Variants in PCDHGA9 observed in about 807,000 individuals in gnomAD.
PCDHGA9 encodes protocadherin gamma subfamily A, 9.
PCDHGA9 carries 37 observed loss-of-function variants against 62.5 expected under a neutral mutation model. That is an observed-to-expected ratio of 0.59 (90% CI 0.46 to 0.78). The LOEUF (loss-of-function observed/expected upper bound fraction) is 0.78. Among genes scored for constraint, PCDHGA9 ranks in the 30% least tolerant of loss-of-function variants. The pLI, the probability that PCDHGA9 is intolerant of heterozygous loss-of-function variation, is 0.00. For synonymous variants in PCDHGA9, 459 were observed against 484.6 expected, an observed-to-expected ratio of 0.95 and a Z score of 0.69; for missense variants, 1,138 against 1,166.2, an observed-to-expected ratio of 0.98 and a Z score of 0.35.
At chr5:141,495,065 T>C (rs1413025171) in intron 2 of PCDHGA9, among the ~76,000 whole-genome samples, 200 bp downstream of exon 2, 1 of 152,148 alleles carries the variant, frequency 6.6e-6, no homozygotes, top group Admixed American at 6.5e-5. Flanking sequence ...TTCAGGAAGC[T>C]CAATTCACAT....
At chr5:141,405,567 G>A in intron 1 of PCDHGA9, 191 bp downstream of exon 1, 2 of 608,222 alleles carry the variant, frequency 3.3e-6, no homozygotes, top group Non-Finnish European at 5.8e-6. Context: ...TGGGACTAGA[G>A]TAGAGTAGCT....
At chr5:141,407,316 G>A (rs2094914682) in intron 1 of PCDHGA9, among the ~76,000 whole-genome samples, 1 of 152,094 alleles carries the variant, frequency 6.6e-6, no homozygotes, top group Non-Finnish European at 1.5e-5. Flanking sequence ...TTCATACTTA[G>A]TATTTATAAA....
chr5:141,405,568 T>C, intron 1 of PCDHGA9, 192 bp downstream of exon 1: 1 of 606,666 alleles, frequency 1.6e-6, no homozygotes, highest in South Asian at 2.1e-5. Context: ...GGGACTAGAG[T>C]AGAGTAGCTG....
chr5:141,413,984 C>T (rs898207454), intron 1 of PCDHGA9: 2 of 1,613,300 alleles, frequency 1.2e-6, no homozygotes, highest in African/African-American at 2.7e-5. Flanking sequence ...ACAGTCACAG[C>T]CACCGACAGG....
Position 141,489,714 on chromosome 5 carries a change from G to C in PCDHGA9, c.2425-5093G>C, listed in dbSNP as rs770143357. On this transcript the variant is annotated intron_variant, in intron 1 of 3. Coordinates refer to ENST00000573521, the MANE Select transcript of PCDHGA9 (RefSeq NM_018921.3). The surrounding 1 kb of genome is among the most constrained non-coding windows in gnomAD (Gnocchi z 4.5). Reference sequence around the variant, plus strand: ...CACGATTCCCACTGGACAGTGCCCAGGATCCGGATGTGGGCACCAATACTG... The same window carrying C: ...CACGATTCCCACTGGACAGTGCCCACGATCCGGATGTGGGCACCAATACTG... 7.4e-6 allele frequency: 12 copies of C among 1,613,958 alleles called. No individual in the cohort carries two copies. The highest frequency in any genetic ancestry group is 1.0e-5 in the Non-Finnish European group (12 of 1,179,930).
At chr5:141,475,980 C>T (rs758066578) in intron 1 of PCDHGA9, 45 of 1,028,498 alleles carry the variant, frequency 4.4e-5, no homozygotes, top group Non-Finnish European at 6.2e-5. Flanking sequence ...ACTGAACAGC[C>T]GGCGAGCAAA....
At chr5:141,410,683 A>G (rs775289402) in intron 1 of PCDHGA9, 2 of 1,528,162 alleles carry the variant, frequency 1.3e-6, no homozygotes. Flanking sequence ...TATTTTAGGC[A>G]TACTACTTTA....
chr5:141,455,533 T>C (rs1232689740), intron 1 of PCDHGA9, among the ~76,000 whole-genome samples: 1 of 152,134 alleles, frequency 6.6e-6, no homozygotes, highest in African/African-American at 2.4e-5. Flanking sequence ...TGACCAGGCA[T>C]ATCATTCACG....
intron 1 of PCDHGA9, chr5:141,409,447 AC>A (rs779658060): frequency 1.4e-4 from 222 of 1,613,890 alleles, no homozygotes; most frequent in Non-Finnish European, 1.8e-4. Context: ...GAGAGCAGAC[AC>A]CAGAATACAA....
intron 2 of PCDHGA9, among the ~76,000 whole-genome samples, chr5:141,497,735 C>T (rs1299892535): frequency 2.6e-5 from 4 of 152,144 alleles, no homozygotes; most frequent in Non-Finnish European, 4.4e-5. Flanking sequence ...AGATGGGTTT[C>T]GCCACGTTGG....
At position 141,430,761 on chromosome 5, in the gene PCDHGA9, T is replaced by C. The variant is rs769012885; in HGVS notation, c.2424+25385T>C. The C allele has an allele frequency of 2.0e-6, 3 of 1,506,132 alleles. No individual in the cohort carries two copies. The African/African-American group carries it at 4.2e-5, about 21-fold the overall frequency. The allele number at this position is 1,506,132 out of a possible 1,614,324, so 93.3% of individuals were successfully genotyped here. ...AAATAATTCTGGAGGAAGATAAGAATGATTCCTGCGCGACTGCACCGGGAC... is the reference window on the plus strand; with the variant it reads ...AAATAATTCTGGAGGAAGATAAGAACGATTCCTGCGCGACTGCACCGGGAC... On this transcript the variant is annotated intron_variant, in intron 1 of 3. Coordinates refer to ENST00000573521, the MANE Select transcript of PCDHGA9 (RefSeq NM_018921.3).
At chr5:141,430,404 A>T (rs1054341813) in intron 1 of PCDHGA9, among the ~76,000 whole-genome samples, 2 of 152,000 alleles carry the variant, frequency 1.3e-5, no homozygotes, top group African/African-American at 4.8e-5. Flanking sequence ...AAAGCTCACT[A>T]AAGTTTCTAT....
rs376452870 is a variant in PCDHGA9 at position 141,423,273 on chromosome 5, G to A, written c.2424+17897G>A. 34 of 1,613,778 alleles carry A rather than the reference G, an allele frequency of 2.1e-5. No homozygotes were observed. In the African/African-American group the frequency reaches 4.4e-4, roughly 21 times the overall value. Reference sequence around the variant, plus strand: ...CGGACCTCGGCAGCCTCGAGTCTCTGGCTAACTCTGAAACCTCAGACCTCT... The same window carrying A: ...CGGACCTCGGCAGCCTCGAGTCTCTAGCTAACTCTGAAACCTCAGACCTCT... On this transcript the variant is annotated intron_variant, in intron 1 of 3. Coordinates refer to ENST00000573521, the MANE Select transcript of PCDHGA9 (RefSeq NM_018921.3).
chr5:141,414,159 A>G (rs2095715416), intron 1 of PCDHGA9: 1 of 1,602,874 alleles, frequency 6.2e-7, no homozygotes. Context: ...CAGAAGATGG[A>G]GGAGCATATC....
At chr5:141,478,639 A>G (rs377308663) in intron 1 of PCDHGA9, 168 of 1,552,322 alleles carry the variant, frequency 1.1e-4, no homozygotes, top group Non-Finnish European at 1.0e-4. Context: ...TTAGTGATGA[A>G]GATGTTTTCC....
rs1256615029 is a variant in PCDHGA9 at position 141,512,740 on chromosome 5, C to T, written c.*1567C>T. ...GCGGGTGGGCAGCGGGCGGCGGGCT[C>T]CGCGCAGCCGTCTGTCCTTGATCTG... On this transcript the variant is annotated 3_prime_UTR_variant, in exon 4 of 4. Transcript: ENST00000573521. 1 of 152,788 alleles carries T rather than the reference C, an allele frequency of 6.5e-6. No individual in the cohort carries two copies. The highest frequency in any genetic ancestry group is 1.5e-5 in the Non-Finnish European group (1 of 68,570). The allele number at this position is 152,788 out of a possible 1,614,324, so 9.5% of individuals were successfully genotyped here.
intron 1 of PCDHGA9, among the ~76,000 whole-genome samples, chr5:141,456,862 C>T (rs1385304686): frequency 6.6e-6 from 1 of 152,086 alleles, no homozygotes; most frequent in Non-Finnish European, 1.5e-5. Context: ...AATTGGGAGG[C>T]TGAGGCAGGA....
Position 141,501,330 on chromosome 5 carries a change from CA to C in PCDHGA9, c.2484-4062del, listed in dbSNP as rs1562200936. 1.8e-3 allele frequency among the ~76,000 whole-genome samples: 266 copies of C among 151,500 alleles called. 1 individual carries two copies. Among genetic ancestry groups the C allele is most frequent in the African/African-American group, 5.1e-3 (210 of 41,250 alleles). On this transcript the variant is annotated intron_variant, in intron 2 of 3. Transcript: ENST00000573521. ...ACACACACACACACACACACACACACACACCCCAAACTCAATAGGGCAAGAA... is the reference window on the plus strand; with the variant it reads ...ACACACACACACACACACACACACACCACCCCAAACTCAATAGGGCAAGAA...
intron 1 of PCDHGA9, among the ~76,000 whole-genome samples, chr5:141,448,393 A>G (rs190525499): frequency 6.6e-6 from 1 of 152,306 alleles, no homozygotes; most frequent in Admixed American, 6.5e-5. Flanking sequence ...ATACATTTAC[A>G]TGGTTTTAAA....
Sources: allele counts gnomAD v4.1 joint callset (sites outside exome capture counted in the v4.1 genomes callset), GRCh38; gene constraint gnomAD v4.1.1; non-coding constraint Gnocchi (gnomAD v3.1); transcripts MANE v1.5; gene names NCBI Gene and HGNC (gene_info 2026-07-23, HGNC 2026-07-21).